The following PLCB4 variants were observed in gnomAD, a reference collection of about 807,000 sequenced individuals.
PLCB4 encodes phospholipase C beta 4, also known as 1-phosphatidylinositol 4,5-bisphosphate phosphodiesterase beta-4.
Under a neutral mutation model 178.8 loss-of-function variants are expected in PLCB4, and 77 were observed. The observed-to-expected ratio is 0.43, with a 90% CI of 0.36 to 0.52. The LOEUF (loss-of-function observed/expected upper bound fraction) is 0.52. Ranked by LOEUF, PLCB4 falls within the 20% of genes least tolerant of loss-of-function variation. The probability of loss-of-function intolerance (pLI) is 0.00; values close to 1 mark genes in which losing one functional copy is unlikely to be tolerated. For synonymous variants in PLCB4, 496 were observed against 490.8 expected, an observed-to-expected ratio of 1.01 and a Z score of -0.14; for missense variants, 1,024 against 1,453.4, an observed-to-expected ratio of 0.70 and a Z score of 4.80.
chr20:9,457,599 G>A, intron 34 of PLCB4, 110 bp downstream of exon 34: 2 of 685,298 alleles, frequency 2.9e-6, no homozygotes, highest in East Asian at 2.6e-5. Flanking sequence ...AGCTGGTCTA[G>A]TAGCCTGCAG....
At chr20:9,155,584 C>T (rs115875153) in intron 2 of PLCB4, among the ~76,000 whole-genome samples, 17 of 152,264 alleles carry the variant, frequency 1.1e-4, no homozygotes, top group African/African-American at 3.9e-4. Context: ...CACAAACTCA[C>T]CCAGTTAAAA....
chr20:9,458,586 T>G (rs377680334), intron 34 of PLCB4, among the ~76,000 whole-genome samples: 5 of 147,144 alleles, frequency 3.4e-5, no homozygotes, highest in African/African-American at 1.4e-4. Context: ...GCAGGGGGCG[T>G]ATGGCCTTAC....
At chr20:9,391,556 G>GA (rs913152768) in intron 17 of PLCB4, among the ~76,000 whole-genome samples, 11 of 151,842 alleles carry the variant, frequency 7.2e-5, no homozygotes, top group African/African-American at 2.7e-4. Context: ...TATGGGAACT[G>GA]AAAAAAAATA....
At position 9,450,658 on chromosome 20, in the gene PLCB4, C is replaced by CTTTTTTT. The variant is rs60982044; in HGVS notation, c.2881-2675_2881-2669dup. ...ACTCAGTTTTCTTTTCTTTTCTTTTCTTTTTTTTTTTTTTTTTTTTGAGAT... is the reference window on the plus strand; with the variant it reads ...ACTCAGTTTTCTTTTCTTTTCTTTTCTTTTTTTTTTTTTTTTTTTTTTTTTTTGAGAT... On this transcript the variant is annotated intron_variant, in intron 32 of 39. Transcript: ENST00000378473. 5.5e-3 allele frequency among the ~76,000 whole-genome samples: 549 copies of CTTTTTTT among 100,236 alleles called. 2 individuals carry two copies. The highest frequency in any genetic ancestry group is 8.2e-3 in the Non-Finnish European group (400 of 48,654). 65.8% of individuals were successfully genotyped at this position (100,236 alleles called of 152,430 possible).
At chr20:9,352,105 G>A (rs555850171) in intron 7 of PLCB4, among the ~76,000 whole-genome samples, 24 of 152,282 alleles carry the variant, frequency 1.6e-4, no homozygotes, top group Admixed American at 1.4e-3. Flanking sequence ...TTCTTCTAGA[G>A]CTTTCCATTT....
At chr20:9,172,276 A>C (rs927575888) in intron 2 of PLCB4, among the ~76,000 whole-genome samples, 1 of 152,188 alleles carries the variant, frequency 6.6e-6, no homozygotes, top group Non-Finnish European at 1.5e-5. Flanking sequence ...CTTCAACTAA[A>C]AACTTAAGAT....
rs551740485 is a variant in PLCB4, at chr20:9,383,376, G to T, written c.854-825G>T. On this transcript the variant is annotated intron_variant, in intron 13 of 39. Transcript: ENST00000378473. ...CTGACCACACTGGTGTAGGCCCGTG[G>T]CTATTCATTATGCTATCATCTGAAC... 7.2e-4 allele frequency among the ~76,000 whole-genome samples: 110 copies of T among 152,236 alleles called. 1 individual carries two copies. Among genetic ancestry groups the T allele is most frequent in the Non-Finnish European group, 1.3e-3 (89 of 68,004 alleles).
chr20:9,103,459 C>G (rs1045959695), intron 2 of PLCB4, among the ~76,000 whole-genome samples: 1 of 152,090 alleles, frequency 6.6e-6, no homozygotes, highest in African/African-American at 2.4e-5. Context: ...TTTTGCAAAT[C>G]TCTTAAAGTC....
chr20:9,296,879 G>T (rs1422203392), intron 3 of PLCB4, among the ~76,000 whole-genome samples: 1 of 152,084 alleles, frequency 6.6e-6, no homozygotes, highest in Non-Finnish European at 1.5e-5. Flanking sequence ...GAGGGGGAAG[G>T]GATAGCATTA....
intron 4 of PLCB4, among the ~76,000 whole-genome samples, chr20:9,313,634 C>T (rs1474303824): frequency 6.6e-6 from 1 of 152,192 alleles, no homozygotes. Context: ...TACTGGCTGT[C>T]TTGCCATGAG....
chr20:9,180,123 A>G (rs2147084501), intron 2 of PLCB4, among the ~76,000 whole-genome samples: 1 of 152,334 alleles, frequency 6.6e-6, no homozygotes, highest in South Asian at 2.1e-4. Context: ...CTCACTGTGC[A>G]TCAAAGTAAG....
intron 3 of PLCB4, among the ~76,000 whole-genome samples, chr20:9,250,473 A>G (rs975972402): frequency 3.9e-5 from 6 of 152,226 alleles, no homozygotes; most frequent in Non-Finnish European, 8.8e-5. Flanking sequence ...TTACCTTAAG[A>G]CTGCATATGA....
chr20:9,170,242 T>C (rs534579618), intron 2 of PLCB4, among the ~76,000 whole-genome samples: 2 of 152,370 alleles, frequency 1.3e-5, no homozygotes, highest in South Asian at 2.1e-4. Flanking sequence ...TTTTATTTCA[T>C]GCAAGTTACT....
chr20:9,240,015 A>G (rs2147405147), intron 3 of PLCB4, among the ~76,000 whole-genome samples: 1 of 152,332 alleles, frequency 6.6e-6, no homozygotes, highest in African/African-American at 2.4e-5. Context: ...GTGCCTGCCC[A>G]GATTGAGGGT....
intron 1 of PLCB4, among the ~76,000 whole-genome samples, chr20:9,074,608 C>A (rs1350723685): frequency 2.0e-5 from 3 of 152,062 alleles, no homozygotes; most frequent in Non-Finnish European, 4.4e-5. Context: ...TTCAGTCACC[C>A]CACAGGACCA....
chr20:9,474,302 T>C (rs1161175565), intron 38 of PLCB4, among the ~76,000 whole-genome samples: 1 of 152,160 alleles, frequency 6.6e-6, no homozygotes, highest in Non-Finnish European at 1.5e-5. Flanking sequence ...TGTATTTTTA[T>C]CTGGTGCATA....
chr20:9,175,687 T>A (rs1182926272), intron 2 of PLCB4, among the ~76,000 whole-genome samples: 1 of 151,986 alleles, frequency 6.6e-6, no homozygotes, highest in Non-Finnish European at 1.5e-5. Context: ...AATAGACAGC[T>A]CACTCTATAG....
intron 3 of PLCB4, among the ~76,000 whole-genome samples, chr20:9,234,417 A>T (rs533839014): frequency 4.6e-5 from 7 of 152,164 alleles, no homozygotes; most frequent in African/African-American, 1.7e-4. Context: ...GAGAAAATAC[A>T]TAGAGGTGGG....
At chr20:9,449,375 G>C (rs1259444818) in intron 32 of PLCB4, among the ~76,000 whole-genome samples, 1 of 152,086 alleles carries the variant, frequency 6.6e-6, no homozygotes, top group African/African-American at 2.4e-5. Flanking sequence ...GGTCCAAGCA[G>C]GAAGTAGCTG....
Sources: allele counts gnomAD v4.1 joint callset (sites outside exome capture counted in the v4.1 genomes callset), GRCh38; gene constraint gnomAD v4.1.1; transcripts MANE v1.5; gene names NCBI Gene and HGNC (gene_info 2026-07-23, HGNC 2026-07-21).